Variants in DMD observed in about 807,000 individuals in gnomAD.
DMD encodes dystrophin, also known as mutant dystrophin.
DMD carries 63 observed loss-of-function variants against 330.1 expected under a neutral mutation model. The observed-to-expected ratio is 0.19, with a 90% CI of 0.16 to 0.24. DMD has a LOEUF of 0.24. Among genes scored for constraint, DMD ranks in the 10% least tolerant of loss-of-function variants. The pLI is 1.00. For missense variants in DMD, 3,344 were observed against 2,684.1 expected (o/e 1.25, Z -5.43); for synonymous variants, 1,223 against 959.8 (o/e 1.27, Z -5.07).
At chrX:32,355,785 G>A (rs1204587479) in intron 37 of DMD, among the ~76,000 whole-genome samples, 1 of 110,734 alleles carries the variant, frequency 9.0e-6, no homozygotes, top group Non-Finnish European at 1.9e-5. Flanking sequence ...GAAGATATTA[G>A]TTGTAAATAT....
At chrX:32,518,268 A>G in intron 17 of DMD, 137 bp from the exon 18 acceptor site, 2 of 621,860 alleles carry the variant, frequency 3.2e-6, no homozygotes, top group Non-Finnish European at 5.0e-6. Flanking sequence ...TATTAATAGC[A>G]GCACTATTTT....
At chrX:33,254,742 T>C (rs906399038) in intron 1 of DMD, among the ~76,000 whole-genome samples, 2 of 110,553 alleles carry the variant, frequency 1.8e-5, no homozygotes, top group African/African-American at 3.3e-5. Flanking sequence ...AAACCCAAAA[T>C]TTGGACAAGA....
At chrX:32,913,226 G>C (rs1362092035) in intron 2 of DMD, among the ~76,000 whole-genome samples, 1 of 111,670 alleles carries the variant, frequency 9.0e-6, no homozygotes, top group Non-Finnish European at 1.9e-5. Flanking sequence ...ATCGTTGTCA[G>C]TCACTTTGCA....
intron 17 of DMD, among the ~76,000 whole-genome samples, chrX:32,536,149 C>A (rs1353806930): frequency 9.3e-6 from 1 of 107,735 alleles, no homozygotes; most frequent in Non-Finnish European, 1.9e-5. Context: ...CCTGTAGTGC[C>A]AGCTACTTGG....
chrX:31,267,306 T>C (rs2051261166), intron 62 of DMD, among the ~76,000 whole-genome samples: 1 of 111,026 alleles, frequency 9.0e-6, no homozygotes. Flanking sequence ...TTTTAAAAAA[T>C]AAAAGAAAAA....
At chrX:32,069,403 C>A (rs768765235) in intron 44 of DMD, among the ~76,000 whole-genome samples, 2 of 111,166 alleles carry the variant, frequency 1.8e-5, no homozygotes, top group Non-Finnish European at 3.8e-5. Flanking sequence ...AAATATTTTT[C>A]TCATATACAT....
At chrX:31,877,024 T>C (rs2093978553) in intron 47 of DMD, among the ~76,000 whole-genome samples, 1 of 111,967 alleles carries the variant, frequency 8.9e-6, no homozygotes, top group Admixed American at 9.5e-5. Context: ...ACAATTGTTT[T>C]AGATACTTTT....
intron 16 of DMD, among the ~76,000 whole-genome samples, chrX:32,551,733 T>C (rs1174571942): frequency 1.8e-5 from 2 of 111,308 alleles, no homozygotes; most frequent in South Asian, 3.8e-4. Context: ...ACTTTGGCCA[T>C]AGTCTCTGCC....
intron 1 of DMD, among the ~76,000 whole-genome samples, chrX:33,177,758 G>A (rs938579660): frequency 2.7e-5 from 3 of 111,881 alleles, no homozygotes; most frequent in Admixed American, 1.9e-4. Context: ...TATACAATAC[G>A]GTATTGTTAA....
intron 1 of DMD, among the ~76,000 whole-genome samples, chrX:33,180,650 A>G (rs1270775690): frequency 1.8e-5 from 2 of 111,360 alleles, no homozygotes; most frequent in African/African-American, 3.3e-5. Context: ...AACCTGCCCA[A>G]TCAGAACACT....
chrX:31,862,444 T>C (rs1205732181), intron 48 of DMD, among the ~76,000 whole-genome samples: 2 of 111,559 alleles, frequency 1.8e-5, no homozygotes, highest in Admixed American at 9.5e-5. Context: ...TTATATTATC[T>C]TTAAAGTCTG....
intron 55 of DMD, among the ~76,000 whole-genome samples, chrX:31,611,339 G>T (rs1345739828): frequency 1.8e-5 from 2 of 110,826 alleles, no homozygotes; most frequent in Non-Finnish European, 3.8e-5. Context: ...ATCAACCTGA[G>T]ATCTCCAACA....
At chrX:31,508,547 T>A in intron 55 of DMD, 1 of 170,306 alleles carries the variant, frequency 5.9e-6, no homozygotes, top group Non-Finnish European at 1.1e-5. Flanking sequence ...AGAGACATTA[T>A]AAATTCATTT....
intron 1 of DMD, among the ~76,000 whole-genome samples, chrX:33,086,594 A>C (rs950666032): frequency 8.2e-5 from 9 of 110,407 alleles, no homozygotes; most frequent in African/African-American, 2.6e-4. Context: ...AAGGCCCCCT[A>C]AAGCACTTTT....
chrX:33,241,312 G>A (rs914397419), intron 1 of DMD, among the ~76,000 whole-genome samples: 2 of 111,954 alleles, frequency 1.8e-5, no homozygotes, highest in East Asian at 5.6e-4. Context: ...TGAGAAGATT[G>A]TTCTTTTCGC....
At chrX:31,433,343 G>A (rs1210561664) in intron 60 of DMD, among the ~76,000 whole-genome samples, 1 of 111,737 alleles carries the variant, frequency 8.9e-6, no homozygotes, top group African/African-American at 3.3e-5. Flanking sequence ...ATTGTGAATA[G>A]TGCTGCAATG....
chrX:32,305,463 T>C (rs1047687520), intron 42 of DMD, among the ~76,000 whole-genome samples: 1 of 111,407 alleles, frequency 9.0e-6, no homozygotes, highest in Non-Finnish European at 1.9e-5. Flanking sequence ...TGGGTTTTCA[T>C]AGACACATGC....
intron 13 of DMD, 98 bp downstream of exon 13, chrX:32,595,659 A>C (rs2055433825): frequency 1.2e-6 from 1 of 830,907 alleles, no homozygotes; most frequent in Admixed American, 2.6e-5. Context: ...TATTCTAAGT[A>C]TTTTAATATA....
Position 31,613,055 on chromosome X carries a change from T to G in DMD, c.8217+14618A>C, listed in dbSNP as rs1476661486. On this transcript the variant is annotated intron_variant, in intron 55 of 78. Transcript: ENST00000357033. ...AGAGAAAGGGTATTCTGAGCAAAGA[T>G]AACTTCTCTTGACTGGGATAATGAC... Among the ~76,000 whole-genome samples the G allele has an allele frequency of 2.7e-5, 3 of 112,202 alleles. No individual in the cohort carries two copies. The Admixed American group carries it at 2.8e-4, about 11-fold the overall frequency.
Sources: gnomAD v4.1 joint callset for allele counts (sites outside exome capture counted in the v4.1 genomes callset) on GRCh38, gnomAD v4.1.1 for gene constraint, MANE v1.5 for transcripts, NCBI Gene and HGNC (gene_info 2026-07-23, HGNC 2026-07-21) for gene names.